The following MED13L variants were observed in gnomAD, a reference collection of about 807,000 sequenced individuals.
MED13L encodes the protein mediator complex subunit 13L, also known as mediator of RNA polymerase II transcription subunit 13-like.
In MED13L, 7 loss-of-function variants were observed where a neutral mutation model predicts 220.9. That is an observed-to-expected ratio of 0.03 (90% CI 0.02 to 0.06). The LOEUF (loss-of-function observed/expected upper bound fraction) is 0.06, where lower values mean the gene tolerates loss of function less well. Ranked by LOEUF, MED13L falls within the 10% of genes least tolerant of loss-of-function variation. The pLI is 1.00. For synonymous variants in MED13L, 1,011 were observed against 1,015.2 expected (o/e 1.00, Z 0.08); for missense variants, 1,965 against 2,760.5 (o/e 0.71, Z 6.46).
intron 1 of MED13L, among the ~76,000 whole-genome samples, chr12:116,250,934 G>A (rs1343363032): frequency 2.0e-5 from 3 of 151,782 alleles, no homozygotes; most frequent in Non-Finnish European, 4.4e-5. Context: ...AGGCCAGAAG[G>A]AGAAAATGGG....
chr12:115,969,305 C>T (rs935861704), intron 27 of MED13L, among the ~76,000 whole-genome samples: 11 of 152,266 alleles, frequency 7.2e-5, no homozygotes, highest in African/African-American at 2.6e-4. Flanking sequence ...CAATGATCTC[C>T]TTATGTACAG....
At position 115,991,004 on chromosome 12, in the gene MED13L, G is replaced by A; in HGVS notation, c.3934+16C>T. ...AAGATACTCCTCAAAGTAAATTTGT[G>A]TTCTGGGACACCTACCATTGCTGTG... On this transcript the variant is annotated intron_variant, in intron 17 of 30. Transcript: ENST00000281928. This position sits in a 1 kb window ranked among gnomAD's most constrained non-coding sequence, Gnocchi z 7.7. 6.2e-7 allele frequency: 1 copy of A among 1,611,136 alleles called. No individual in the cohort carries two copies. Among genetic ancestry groups the A allele is most frequent in the Non-Finnish European group, 8.5e-7 (1 of 1,178,362 alleles).
At chr12:116,247,739 T>C (rs1871211524) in intron 1 of MED13L, among the ~76,000 whole-genome samples, 1 of 152,234 alleles carries the variant, frequency 6.6e-6, no homozygotes, top group African/African-American at 2.4e-5. Flanking sequence ...ATAAATGTTT[T>C]CCTCAAGTGT....
At chr12:116,068,335 A>G (rs1278102965) in intron 4 of MED13L, among the ~76,000 whole-genome samples, 1 of 152,232 alleles carries the variant, frequency 6.6e-6, no homozygotes, top group South Asian at 2.1e-4. Context: ...TCTTAATAAG[A>G]GCTTTTAAAA....
intron 2 of MED13L, among the ~76,000 whole-genome samples, chr12:116,128,672 G>T (rs1184903041): frequency 6.6e-6 from 1 of 152,128 alleles, no homozygotes; most frequent in Non-Finnish European, 1.5e-5. Flanking sequence ...TATTACTACA[G>T]ATGATAGCTC....
intron 14 of MED13L, among the ~76,000 whole-genome samples, chr12:116,002,081 T>A (rs1878779807): frequency 6.6e-6 from 1 of 152,252 alleles, no homozygotes; most frequent in African/African-American, 2.4e-5. Context: ...GTTTGTGAAA[T>A]TCTGCAGTGC....
chr12:116,139,185 G>C (rs1257121533), intron 2 of MED13L, among the ~76,000 whole-genome samples: 2 of 152,208 alleles, frequency 1.3e-5, no homozygotes, highest in Non-Finnish European at 2.9e-5. Flanking sequence ...ACATCACAGA[G>C]TATGCGTCTC....
At chr12:116,098,928 T>G (rs949803449) in intron 3 of MED13L, among the ~76,000 whole-genome samples, 2 of 152,170 alleles carry the variant, frequency 1.3e-5, no homozygotes, top group African/African-American at 4.8e-5. Context: ...TAATTATATT[T>G]TTATTAGAGT....
chr12:116,107,800 T>C lies in MED13L; in HGVS notation c.395+3628A>G, dbSNP rs373860699. ...AAGTCCTTGATGATCTGTTTTAATA[T>C]CCTCAGTTGGGCCGGGCGCCGTGGC... On this transcript the variant is annotated intron_variant, in intron 3 of 30. Coordinates refer to ENST00000281928, the MANE Select transcript of MED13L (RefSeq NM_015335.5). 3.1e-3 allele frequency among the ~76,000 whole-genome samples: 475 copies of C among 152,294 alleles called. 1 individual carries two copies. Among genetic ancestry groups the C allele is most frequent in the Non-Finnish European group, 4.3e-3 (294 of 68,012 alleles).
chr12:116,177,245 C>T (rs1040499443), intron 2 of MED13L, among the ~76,000 whole-genome samples: 1 of 152,062 alleles, frequency 6.6e-6, no homozygotes, highest in Non-Finnish European at 1.5e-5. Context: ...CCACAGTAAG[C>T]GTATACATGA....
intron 2 of MED13L, among the ~76,000 whole-genome samples, chr12:116,145,954 CTATT>C (rs1463759423): frequency 6.6e-6 from 1 of 152,078 alleles, no homozygotes; most frequent in African/African-American, 2.4e-5. Context: ...AAATTCTTTT[CTATT>C]TGTGACCCCA....
At chr12:116,016,311 G>A (rs1271978263) in intron 7 of MED13L, among the ~76,000 whole-genome samples, 1 of 151,990 alleles carries the variant, frequency 6.6e-6, no homozygotes, top group Non-Finnish European at 1.5e-5. Flanking sequence ...TTAAAAAAAA[G>A]ACCCAAATGC....
chr12:116,208,487 G>A (rs1386851462), intron 2 of MED13L, among the ~76,000 whole-genome samples: 2 of 152,184 alleles, frequency 1.3e-5, no homozygotes, highest in Non-Finnish European at 2.9e-5. Flanking sequence ...GAACTCACAG[G>A]TCATCTTTGG....
At chr12:116,017,355 C>T (rs1879787120) in intron 7 of MED13L, among the ~76,000 whole-genome samples, 1 of 152,138 alleles carries the variant, frequency 6.6e-6, no homozygotes, top group Admixed American at 6.5e-5. Flanking sequence ...ACAAATTTCA[C>T]TAAGTACAAG....
At chr12:115,981,756 T>A (rs1353294116) in intron 22 of MED13L, 1 of 152,546 alleles carries the variant, frequency 6.6e-6, no homozygotes, top group Non-Finnish European at 1.5e-5. Flanking sequence ...CTTGTAAGAA[T>A]TTAAATAATA....
In MED13L at chr12:116,184,654, A is replaced by G. The variant is rs1880757865; in HGVS notation, c.310+52814T>C. ...CAATTATACCAGATCTCTAAGTTGC[A>G]GGTTTGAACTACTTTTCTGATGTCA... On this transcript the variant is annotated intron_variant, in intron 2 of 30. Coordinates refer to ENST00000281928, the MANE Select transcript of MED13L (RefSeq NM_015335.5). 2.0e-5 allele frequency among the ~76,000 whole-genome samples: 3 copies of G among 152,320 alleles called. No homozygotes were observed. In the South Asian group the frequency reaches 6.2e-4, roughly 32 times the overall value.
intron 4 of MED13L, among the ~76,000 whole-genome samples, chr12:116,058,407 C>G (rs757652341): frequency 4.6e-5 from 7 of 151,986 alleles, no homozygotes; most frequent in African/African-American, 1.7e-4. Context: ...TCTGAAGGTG[C>G]CTTTGTAATT....
At chr12:116,248,038 T>G (rs1022476467) in intron 1 of MED13L, among the ~76,000 whole-genome samples, 1 of 152,080 alleles carries the variant, frequency 6.6e-6, no homozygotes, top group Non-Finnish European at 1.5e-5. Context: ...ATGCAACAAA[T>G]AAAGAGATGA....
chr12:116,007,329 C>T, intron 11 of MED13L, 82 bp downstream of exon 11: 2 of 1,297,362 alleles, frequency 1.5e-6, no homozygotes, highest in Non-Finnish European at 2.2e-6. Context: ...AAACGTTCTG[C>T]CTCCAAAGTC....
Sources: allele counts gnomAD v4.1 joint callset (sites outside exome capture counted in the v4.1 genomes callset), GRCh38; gene constraint gnomAD v4.1.1; non-coding constraint Gnocchi (gnomAD v3.1); transcripts MANE v1.5; gene names NCBI Gene and HGNC (gene_info 2026-07-23, HGNC 2026-07-21).